Variants in PJA2 observed in about 807,000 individuals in gnomAD.
The protein encoded by PJA2 is E3 ubiquitin-protein ligase Praja-2.
PJA2 carries 25 observed loss-of-function variants against 69.3 expected under a neutral mutation model. The ratio of observed to expected loss-of-function variants is 0.36; its 90% confidence interval spans 0.26 to 0.50. The LOEUF (loss-of-function observed/expected upper bound fraction) is 0.50, where lower values mean the gene tolerates loss of function less well. Among genes scored for constraint, PJA2 ranks in the 20% least tolerant of loss-of-function variants. The probability of loss-of-function intolerance (pLI) is 0.96; values close to 1 mark genes in which losing one functional copy is unlikely to be tolerated. For missense variants in PJA2, 809 were observed against 830.2 expected (o/e 0.97, Z 0.31); for synonymous variants, 308 against 277.8 (o/e 1.11, Z -1.08).
At chr5:109,401,454 G>T (rs1257986529) in intron 1 of PJA2, among the ~76,000 whole-genome samples, 6 of 151,504 alleles carry the variant, frequency 4.0e-5, no homozygotes, top group African/African-American at 1.5e-4. Flanking sequence ...GCGAGACCTT[G>T]TCTCAAAAAA....
At chr5:109,338,615 C>A (rs1411869173) in intron 9 of PJA2, among the ~76,000 whole-genome samples, 2 of 113,128 alleles carry the variant, frequency 1.8e-5, no homozygotes, top group African/African-American at 3.6e-5. Flanking sequence ...CCAGCCTGGG[C>A]AACAGAGTGA....
At chr5:109,337,808 T>TA (rs1396892343) in intron 9 of PJA2, among the ~76,000 whole-genome samples, 2 of 151,860 alleles carry the variant, frequency 1.3e-5, no homozygotes, top group Non-Finnish European at 2.9e-5. Context: ...CATTTATGAT[T>TA]TGGTGTGAAT....
intron 2 of PJA2, among the ~76,000 whole-genome samples, 199 bp from the exon 3 acceptor site, chr5:109,381,902 G>C: frequency 6.6e-6 from 1 of 152,094 alleles, no homozygotes. Flanking sequence ...TATAATAAGA[G>C]TTAGTGGCCT....
chr5:109,356,298 G>A (rs747680072), intron 6 of PJA2, among the ~76,000 whole-genome samples: 4 of 152,148 alleles, frequency 2.6e-5, no homozygotes, highest in Non-Finnish European at 4.4e-5. Context: ...TCTCTTTTGT[G>A]TTTCTAGCTC....
intron 1 of PJA2, among the ~76,000 whole-genome samples, chr5:109,391,351 C>G (rs935591206): frequency 2.6e-5 from 4 of 152,144 alleles, no homozygotes; most frequent in African/African-American, 9.7e-5. Context: ...TCTGATGTTC[C>G]TTTAGCCTAA....
At chr5:109,406,556 T>G (rs939179686) in intron 1 of PJA2, among the ~76,000 whole-genome samples, 1 of 152,220 alleles carries the variant, frequency 6.6e-6, no homozygotes, top group Non-Finnish European at 1.5e-5. Context: ...CAATTGGAAC[T>G]GTCATACACT....
At chr5:109,351,825 A>G (rs1234641044) in intron 7 of PJA2, among the ~76,000 whole-genome samples, 2 of 152,136 alleles carry the variant, frequency 1.3e-5, no homozygotes, top group Admixed American at 6.6e-5. Flanking sequence ...AAAAACAAGC[A>G]GTTTGTTTTG....
At chr5:109,349,382 G>A (rs532662250) in intron 7 of PJA2, among the ~76,000 whole-genome samples, 1 of 152,142 alleles carries the variant, frequency 6.6e-6, no homozygotes, top group Admixed American at 6.6e-5. Flanking sequence ...TTCTGTCCCA[G>A]TGTGCTTGCT....
At chr5:109,347,773 T>C (rs1427244388) in intron 7 of PJA2, among the ~76,000 whole-genome samples, 2 of 152,246 alleles carry the variant, frequency 1.3e-5, no homozygotes, top group Non-Finnish European at 2.9e-5. Context: ...CCTAAAGCTG[T>C]TTCTTAAATC....
At chr5:109,346,667 A>T (rs1223756190) in intron 7 of PJA2, among the ~76,000 whole-genome samples, 1 of 152,240 alleles carries the variant, frequency 6.6e-6, no homozygotes, top group African/African-American at 2.4e-5. Flanking sequence ...CAGAAAGATA[A>T]GTACTGTATG....
chr5:109,404,981 T>C (rs1747649481), intron 1 of PJA2, among the ~76,000 whole-genome samples: 1 of 152,200 alleles, frequency 6.6e-6, no homozygotes, highest in African/African-American at 2.4e-5. Flanking sequence ...GAGTTACATA[T>C]AAATTCAAAA....
intron 4 of PJA2, among the ~76,000 whole-genome samples, chr5:109,371,080 G>T (rs949282935): frequency 6.6e-6 from 1 of 151,978 alleles, no homozygotes; most frequent in Non-Finnish European, 1.5e-5. Flanking sequence ...GCTAAAAATG[G>T]TTTTTACATG....
intron 4 of PJA2, among the ~76,000 whole-genome samples, chr5:109,376,731 A>G (rs1746897119): frequency 6.6e-6 from 1 of 152,194 alleles, no homozygotes; most frequent in Admixed American, 6.5e-5. Context: ...GAGGTATAAT[A>G]TTAGAGACTT....
intron 1 of PJA2, among the ~76,000 whole-genome samples, chr5:109,386,190 AC>A (rs1300152934): frequency 6.6e-6 from 1 of 152,180 alleles, no homozygotes; most frequent in Non-Finnish European, 1.5e-5. Context: ...GGGATGCTTA[AC>A]CTATAGCAGA....
chr5:109,381,997 T>C (rs780616377), intron 2 of PJA2, among the ~76,000 whole-genome samples: 9 of 152,148 alleles, frequency 5.9e-5, no homozygotes, highest in Non-Finnish European at 1.0e-4. Context: ...AAAATATTTT[T>C]CATATGCCAA....
intron 7 of PJA2, among the ~76,000 whole-genome samples, chr5:109,350,686 A>C (rs1762235597): frequency 6.6e-6 from 1 of 152,208 alleles, no homozygotes; most frequent in Non-Finnish European, 1.5e-5. Context: ...TTGTAAATGA[A>C]GACGCTAAAG....
At chr5:109,374,862 T>A (rs1300615485) in intron 4 of PJA2, among the ~76,000 whole-genome samples, 1 of 152,208 alleles carries the variant, frequency 6.6e-6, no homozygotes, top group East Asian at 1.9e-4. Flanking sequence ...AGGTTTTTTT[T>A]AAACTCAAGA....
chr5:109,345,056 G>C (rs575906235), intron 7 of PJA2, among the ~76,000 whole-genome samples: 1 of 151,406 alleles, frequency 6.6e-6, no homozygotes, highest in African/African-American at 2.4e-5. Context: ...AATATACCTT[G>C]TCTCGGCCGG....
At chr5:109,353,856 TATG>T (rs1416228331) in intron 7 of PJA2, among the ~76,000 whole-genome samples, 3 of 41,034 alleles carry the variant, frequency 7.3e-5, no homozygotes, top group African/African-American at 1.4e-4. Context: ...ATTAGATGTC[TATG>T]ATATCTAGAG....
Sources: gnomAD v4.1 joint callset for allele counts (sites outside exome capture counted in the v4.1 genomes callset) on GRCh38, gnomAD v4.1.1 for gene constraint, MANE v1.5 for transcripts, NCBI Gene and HGNC (gene_info 2026-07-23, HGNC 2026-07-21) for gene names.